PRKN: variants seen among roughly 807,000 people sequenced by gnomAD.
PRKN encodes the protein parkin RBR E3 ubiquitin protein ligase.
Under a neutral mutation model 59.5 loss-of-function variants are expected in PRKN, and 56 were observed. That is an observed-to-expected ratio of 0.94 (90% CI 0.76 to 1.18). PRKN has a LOEUF of 1.18. Ranked by LOEUF, PRKN falls within the 50% of genes most tolerant of loss-of-function variation. The pLI, the probability that PRKN is intolerant of heterozygous loss-of-function variation, is 0.00. For synonymous variants in PRKN, 250 were observed against 222.1 expected, an observed-to-expected ratio of 1.13 and a Z score of -1.12; for missense variants, 657 against 596.4, an observed-to-expected ratio of 1.10 and a Z score of -1.06.
intron 1 of PRKN, among the ~76,000 whole-genome samples, chr6:162,533,687 AAG>A (rs1778601642): frequency 6.6e-6 from 1 of 152,062 alleles, no homozygotes; most frequent in South Asian, 2.1e-4. Flanking sequence ...ATCTTATAAA[AAG>A]AGATATATGC....
chr6:162,363,374 GA>G (rs5881470), intron 2 of PRKN, among the ~76,000 whole-genome samples: 101,061 of 151,882 alleles, frequency 0.67, 35,238 homozygotes, highest in African/African-American at 0.88. Flanking sequence ...CTTTCTGTAG[GA>G]AAAAAATGTA....
At chr6:161,808,395 C>G (rs989557090) in intron 6 of PRKN, among the ~76,000 whole-genome samples, 7 of 152,096 alleles carry the variant, frequency 4.6e-5, no homozygotes, top group African/African-American at 1.7e-4. Flanking sequence ...ATATAAGTTG[C>G]TTAACTGAAC....
chr6:162,698,409 G>T (rs1269161774), intron 1 of PRKN, among the ~76,000 whole-genome samples: 1 of 151,924 alleles, frequency 6.6e-6, no homozygotes, highest in Non-Finnish European at 1.5e-5. Flanking sequence ...CAGTCAGGCT[G>T]GTTTGCTACT....
At chr6:162,235,818 G>T (rs1488311267) in intron 3 of PRKN, among the ~76,000 whole-genome samples, 1 of 147,530 alleles carries the variant, frequency 6.8e-6, no homozygotes, top group Admixed American at 6.9e-5. Flanking sequence ...AAGAAAGAAA[G>T]AAAGAGAGAG....
chr6:162,137,616 G>A (rs1189544923), intron 4 of PRKN, among the ~76,000 whole-genome samples: 1 of 152,178 alleles, frequency 6.6e-6, no homozygotes, highest in African/African-American at 2.4e-5. Context: ...CAGTATCAAG[G>A]TGCTGGCATC....
intron 1 of PRKN, among the ~76,000 whole-genome samples, chr6:162,539,961 C>T (rs1319013203): frequency 2.6e-5 from 4 of 152,162 alleles, no homozygotes; most frequent in African/African-American, 7.2e-5. Flanking sequence ...CTCCCTCTGT[C>T]GCCCAGGCTA....
At chr6:161,515,551 A>G (rs1778556649) in intron 9 of PRKN, among the ~76,000 whole-genome samples, 1 of 152,190 alleles carries the variant, frequency 6.6e-6, no homozygotes, top group South Asian at 2.1e-4. Flanking sequence ...TGAGGAGTCA[A>G]TTGTGTTACT....
At chr6:161,931,222 G>C (rs1421677425) in intron 6 of PRKN, among the ~76,000 whole-genome samples, 1 of 152,270 alleles carries the variant, frequency 6.6e-6, no homozygotes, top group African/African-American at 2.4e-5. Context: ...GATCATTTGA[G>C]GTTAGGAGTT....
chr6:162,331,272 T>G (rs1477218394), intron 2 of PRKN, among the ~76,000 whole-genome samples: 1 of 151,762 alleles, frequency 6.6e-6, no homozygotes, highest in Non-Finnish European at 1.5e-5. Flanking sequence ...CCTCCAGCAA[T>G]GGGAATTACA....
intron 2 of PRKN, among the ~76,000 whole-genome samples, chr6:162,315,688 T>C (rs1484793521): frequency 1.4e-4 from 21 of 152,164 alleles, no homozygotes; most frequent in Admixed American, 1.2e-3. Flanking sequence ...GTTTGACTTC[T>C]GCAAAATTAG....
intron 2 of PRKN, among the ~76,000 whole-genome samples, chr6:162,387,525 C>T (rs1786898682): frequency 6.8e-6 from 1 of 146,030 alleles, no homozygotes; most frequent in Admixed American, 7.0e-5. Context: ...TATAAACCCT[C>T]CTCACAACAC....
chr6:161,990,922 G>A (rs9885762), intron 5 of PRKN, among the ~76,000 whole-genome samples: 69,299 of 151,802 alleles, frequency 0.46, 16,136 homozygotes, highest in East Asian at 0.6. Context: ...AAATAAATTC[G>A]ACTCAAAAAT....
intron 2 of PRKN, among the ~76,000 whole-genome samples, chr6:162,331,921 C>T (rs1373617454): frequency 6.6e-6 from 1 of 152,160 alleles, no homozygotes; most frequent in Non-Finnish European, 1.5e-5. Flanking sequence ...CCAATAAAGT[C>T]AAAACTTTAA....
chr6:162,688,185 G>GA (rs1395345550), intron 1 of PRKN, among the ~76,000 whole-genome samples: 2 of 152,012 alleles, frequency 1.3e-5, no homozygotes, highest in Non-Finnish European at 2.9e-5. Context: ...AACACTGACT[G>GA]AAAAAAACAG....
intron 7 of PRKN, among the ~76,000 whole-genome samples, chr6:161,612,816 A>G (rs1782536824): frequency 1.3e-5 from 2 of 151,988 alleles, no homozygotes; most frequent in Non-Finnish European, 2.9e-5. Flanking sequence ...TTGTTTACAG[A>G]TGCACATGGT....
Position 161,903,162 on chromosome 6 carries a change from G to A in PRKN, c.734+70140C>T, listed in dbSNP as rs375169600. ...GATTTAGAGGAGTCTTTCCAAAGGA[G>A]ACAGGACGGAAGCAGCGTTGTGCTG... On this transcript the variant is annotated intron_variant, in intron 6 of 11. Coordinates refer to ENST00000366898, the MANE Select transcript of PRKN (RefSeq NM_004562.3). Among the ~76,000 whole-genome samples the A allele has an allele frequency of 4.1e-5, 6 of 145,988 alleles. No homozygotes were observed. The South Asian group carries it at 6.3e-4, about 15-fold the overall frequency.
intron 1 of PRKN, among the ~76,000 whole-genome samples, chr6:162,719,894 CAA>C (rs56395129): frequency 2.8e-5 from 4 of 144,042 alleles, no homozygotes; most frequent in South Asian, 2.3e-4. Flanking sequence ...AGGTAGATGT[CAA>C]AAAAAAAAAA....
chr6:162,341,343 G>A (rs1784169446), intron 2 of PRKN, among the ~76,000 whole-genome samples: 1 of 152,188 alleles, frequency 6.6e-6, no homozygotes, highest in Admixed American at 6.5e-5. Context: ...GTGGAAGACA[G>A]TTTGGTGATT....
intron 4 of PRKN, among the ~76,000 whole-genome samples, chr6:162,190,185 C>T (rs773646607): frequency 6.6e-6 from 1 of 152,172 alleles, no homozygotes; most frequent in Non-Finnish European, 1.5e-5. Context: ...TGCCCTACAA[C>T]AAACCCACTT....
Sources: allele counts gnomAD v4.1 joint callset (sites outside exome capture counted in the v4.1 genomes callset), GRCh38; gene constraint gnomAD v4.1.1; transcripts MANE v1.5; gene names NCBI Gene and HGNC (gene_info 2026-07-23, HGNC 2026-07-21).